Variants in ERBIN observed in about 807,000 individuals in gnomAD.
The protein encoded by ERBIN is densin-180-like protein.
ERBIN carries 60 observed loss-of-function variants against 158.4 expected under a neutral mutation model. That is an observed-to-expected ratio of 0.38 (90% CI 0.31 to 0.47). The LOEUF (loss-of-function observed/expected upper bound fraction) is 0.47. Among genes scored for constraint, ERBIN ranks in the 20% least tolerant of loss-of-function variants. ERBIN has a pLI of 0.99. For missense variants in ERBIN, 1,610 were observed against 1,648.0 expected, an observed-to-expected ratio of 0.98 and a Z score of 0.40; for synonymous variants, 594 against 557.2, an observed-to-expected ratio of 1.07 and a Z score of -0.93.
At chr5:66,012,773 T>C (rs1452158549) in intron 5 of ERBIN, among the ~76,000 whole-genome samples, 1 of 152,238 alleles carries the variant, frequency 6.6e-6, no homozygotes, top group Non-Finnish European at 1.5e-5. Flanking sequence ...TGCTCTAGTA[T>C]CAAATTCTAG....
chr5:66,042,280 A>G (rs928046731), intron 15 of ERBIN, among the ~76,000 whole-genome samples: 8 of 152,078 alleles, frequency 5.3e-5, no homozygotes, highest in Admixed American at 3.3e-4. Context: ...AATGATATAA[A>G]TAGTTGAATG....
intron 4 of ERBIN, among the ~76,000 whole-genome samples, chr5:66,000,063 C>T (rs1752865252): frequency 6.6e-6 from 1 of 152,114 alleles, no homozygotes; most frequent in Non-Finnish European, 1.5e-5. Context: ...TCACATCTAC[C>T]TTTTCATCCT....
At position 66,078,790 on chromosome 5, in the gene ERBIN, GT is replaced by G; in HGVS notation, c.*261del. ...CAATCAAGGCTACAAAAACAAACCT[GT>G]GTTGTTTTTGTATAGATTGTAGGTT... On this transcript the variant is annotated 3_prime_UTR_variant, in exon 26 of 26. Transcript: ENST00000284037. 2.5e-6 allele frequency: 1 copy of G among 404,936 alleles called. No homozygotes were observed. Among genetic ancestry groups the G allele is most frequent in the Non-Finnish European group, 4.4e-6 (1 of 228,822 alleles). 25.1% of individuals were successfully genotyped at this position (404,936 alleles called of 1,614,324 possible).
At chr5:66,077,362 A>G (rs1007116889) in intron 25 of ERBIN, among the ~76,000 whole-genome samples, 2 of 152,128 alleles carry the variant, frequency 1.3e-5, no homozygotes, top group African/African-American at 2.4e-5. Context: ...CATTTTACCT[A>G]AACACTTACA....
At chr5:65,998,233 T>C (rs11955753) in intron 4 of ERBIN, among the ~76,000 whole-genome samples, 6 of 145,342 alleles carry the variant, frequency 4.1e-5, no homozygotes, top group Non-Finnish European at 8.9e-5. Flanking sequence ...CAAAAAAAAA[T>C]ATATATATAT....
At chr5:66,069,003 G>C in intron 21 of ERBIN, 3 of 1,533,404 alleles carry the variant, frequency 2.0e-6, no homozygotes, top group Non-Finnish European at 2.6e-6. Flanking sequence ...AAGAGGTTCT[G>C]GTGGGCACAT....
chr5:65,996,603 C>G lies in ERBIN; in HGVS notation c.307+1739C>G, dbSNP rs565481927. ...GTTTAGTTCTTTTTGTTCACCGTTGCTTTGGGTATTCAGTCTTTTGTGGCT... is the reference window on the plus strand; with the variant it reads ...GTTTAGTTCTTTTTGTTCACCGTTGGTTTGGGTATTCAGTCTTTTGTGGCT... On this transcript the variant is annotated intron_variant, in intron 4 of 25. Coordinates refer to ENST00000284037, the MANE Select transcript of ERBIN (RefSeq NM_001253697.2). Among the ~76,000 whole-genome samples, 15 of 152,086 alleles carry G rather than the reference C, an allele frequency of 9.9e-5. No homozygotes were observed. In the East Asian group the frequency reaches 2.9e-3, roughly 29 times the overall value.
intron 18 of ERBIN, among the ~76,000 whole-genome samples, chr5:66,047,492 T>C (rs760894242): frequency 4.6e-5 from 7 of 152,214 alleles, no homozygotes; most frequent in Non-Finnish European, 1.0e-4. Context: ...GATTGCACCA[T>C]TTTATATTCC....
intron 21 of ERBIN, among the ~76,000 whole-genome samples, chr5:66,058,938 G>A (rs1759934918): frequency 6.6e-6 from 1 of 152,180 alleles, no homozygotes; most frequent in African/African-American, 2.4e-5. Context: ...GGTTACTGTA[G>A]CCTTGTAGTG....
At chr5:65,998,127 T>C (rs1180522423) in intron 4 of ERBIN, among the ~76,000 whole-genome samples, 1 of 151,774 alleles carries the variant, frequency 6.6e-6, no homozygotes, top group Non-Finnish European at 1.5e-5. Flanking sequence ...GTCAGGAGGC[T>C]GAGGCATGAG....
intron 25 of ERBIN, among the ~76,000 whole-genome samples, chr5:66,077,795 T>TACAC (rs879359102): frequency 2.1e-5 from 2 of 97,006 alleles, no homozygotes; most frequent in Non-Finnish European, 4.4e-5. Context: ...CACACACACA[T>TACAC]ACACACACAC....
intron 1 of ERBIN, among the ~76,000 whole-genome samples, chr5:65,972,588 T>G (rs1749389859): frequency 6.6e-6 from 1 of 151,430 alleles, no homozygotes; most frequent in African/African-American, 2.5e-5. Context: ...AAATTTTTGT[T>G]TTTCTTCTTT....
chr5:65,961,455 C>T (rs1007207432), intron 1 of ERBIN: 1 of 152,208 alleles, frequency 6.6e-6, no homozygotes, highest in Non-Finnish European at 1.5e-5. Flanking sequence ...TGAAACACAT[C>T]TACTGGCCTG....
intron 2 of ERBIN, among the ~76,000 whole-genome samples, chr5:65,988,902 G>T (rs1751556436): frequency 6.8e-6 from 1 of 147,456 alleles, no homozygotes; most frequent in Non-Finnish European, 1.5e-5. Context: ...AGGATCGCTT[G>T]AGCCTGGGAG....
chr5:66,021,648 G>C (rs1379987277), intron 8 of ERBIN, among the ~76,000 whole-genome samples: 1 of 152,048 alleles, frequency 6.6e-6, no homozygotes, highest in Non-Finnish European at 1.5e-5. Flanking sequence ...AGCATAGGAA[G>C]CAGAAAATTT....
chr5:66,037,216 T>A (rs1278061700), intron 14 of ERBIN, among the ~76,000 whole-genome samples: 2 of 152,084 alleles, frequency 1.3e-5, no homozygotes, highest in Non-Finnish European at 2.9e-5. Flanking sequence ...CTCGTGACTT[T>A]GGAAAAATTT....
chr5:66,024,593 A>C (rs760488497), intron 10 of ERBIN, 143 bp downstream of exon 10: 68 of 723,096 alleles, frequency 9.4e-5, no homozygotes, highest in Non-Finnish European at 5.9e-5. Context: ...TGGTGTGATC[A>C]GTTGTACAGT....
intron 1 of ERBIN, among the ~76,000 whole-genome samples, chr5:65,980,297 G>GGGTGC: frequency 6.6e-6 from 1 of 151,916 alleles, no homozygotes. Context: ...GTGCGGTGTC[G>GGGTGC]GGCGCCTGTA....
At chr5:65,959,439 T>C (rs1747672902) in intron 1 of ERBIN, among the ~76,000 whole-genome samples, 1 of 152,220 alleles carries the variant, frequency 6.6e-6, no homozygotes, top group Non-Finnish European at 1.5e-5. Context: ...ATGTTTTATG[T>C]AGTTTAATAT....
Sources: gnomAD v4.1 joint callset for allele counts (sites outside exome capture counted in the v4.1 genomes callset) on GRCh38, gnomAD v4.1.1 for gene constraint, MANE v1.5 for transcripts, NCBI Gene and HGNC (gene_info 2026-07-23, HGNC 2026-07-21) for gene names.